Variants in SKA3 observed in about 807,000 individuals in gnomAD.
SKA3 encodes the protein spindle and kinetochore-associated protein 3.
SKA3 carries 39 observed loss-of-function variants against 44.2 expected under a neutral mutation model. The ratio of observed to expected loss-of-function variants is 0.88; its 90% confidence interval spans 0.68 to 1.15. SKA3 has a LOEUF of 1.15. Ranked by LOEUF, SKA3 falls within the 50% of genes most tolerant of loss-of-function variation. The pLI is 0.00. For missense variants in SKA3, 511 were observed against 485.8 expected, an observed-to-expected ratio of 1.05 and a Z score of -0.49; for synonymous variants, 192 against 172.0, an observed-to-expected ratio of 1.12 and a Z score of -0.91.
At chr13:21,169,889 C>T (rs543966077) in intron 3 of SKA3, among the ~76,000 whole-genome samples, 342 of 152,292 alleles carry the variant, frequency 2.2e-3, no homozygotes, top group African/African-American at 8.0e-3. Context: ...CCACCTGCCT[C>T]AGCCTCCCAA....
In SKA3 at chr13:21,168,182, C is replaced by T. The variant is rs200514760; in HGVS notation, c.549G>A (p.Lys183=). The change falls in exon 4 of 9, where the codon AAG becomes AAA. Residue 183 remains lysine (K), a synonymous_variant. Coordinates refer to ENST00000314759, the MANE Select transcript of SKA3 (RefSeq NM_145061.6). ...PNPPQAVNNY[K]EEPVIVTPPT... ...GTGGGGTTACAATTACGGGCTCTTC[C>T]TTATAGTTGTTCACTGCCTGTGGAG... 6.2e-7 allele frequency: 1 copy of T among 1,613,974 alleles called. No individual in the cohort carries two copies. Among genetic ancestry groups the T allele is most frequent in the Non-Finnish European group, 8.5e-7 (1 of 1,179,988 alleles).
intron 6 of SKA3, 37 bp downstream of exon 6, chr13:21,159,863 AGG>A: frequency 8.8e-7 from 1 of 1,140,468 alleles, no homozygotes; most frequent in Non-Finnish European, 1.2e-6. Context: ...TTGAGTCTTT[AGG>A]AGAAAGACTG....
chr13:21,155,615 C>G, intron 8 of SKA3, 78 bp downstream of exon 8: 1 of 780,252 alleles, frequency 1.3e-6, no homozygotes, highest in Non-Finnish European at 2.0e-6. Context: ...CCATGTTGGT[C>G]AGGATGGTCA....
intron 3 of SKA3, among the ~76,000 whole-genome samples, chr13:21,169,026 C>CT (rs1239554956): frequency 1.1e-3 from 165 of 145,706 alleles, no homozygotes; most frequent in South Asian, 3.0e-3. Flanking sequence ...TTTTTTCTTT[C>CT]TTTTTTTTTT....
In SKA3 at chr13:21,155,813, T is replaced by A. The variant is rs550091625; in HGVS notation, c.1120-2A>T. 2.7e-5 allele frequency: 30 copies of A among 1,123,714 alleles called. No homozygotes were observed. The highest frequency in any genetic ancestry group is 4.4e-5 in the Admixed American group (2 of 45,680). 69.6% of individuals were successfully genotyped at this position (1,123,714 alleles called of 1,614,324 possible). On this transcript the variant is annotated splice_acceptor_variant, in intron 7 of 8. Coordinates refer to ENST00000314759, the MANE Select transcript of SKA3 (RefSeq NM_145061.6). LOFTEE classifies it high-confidence loss of function. ...GTTTGAGTTGTATTTTGATAAAAGC[T>A]AAAAAAAAAAAAGGAAATTCCTTTT...
chr13:21,162,967 G>C (rs1011342015), intron 4 of SKA3, among the ~76,000 whole-genome samples: 6 of 152,126 alleles, frequency 3.9e-5, no homozygotes, highest in Non-Finnish European at 8.8e-5. Flanking sequence ...AGAACCACTC[G>C]AACCCAGTTC....
chr13:21,158,120 G>T lies in SKA3; in HGVS notation c.921C>A (p.Ser307=). ...TTGTTTTTGATAATGGGTAATTTGT[G>T]GATACCTATTGAATAAAAATAGACC... is the stretch of plus-strand genomic sequence containing the variant. ...PSTKNSIALV[S]TNYPLSKTNS... is the part of the protein sequence containing the mutation. The change falls in exon 7 of 9, where the codon TCC becomes TCA. Residue 307 remains serine (S), a synonymous_variant. Transcript: ENST00000314759. 1.3e-6 allele frequency: 2 copies of T among 1,570,730 alleles called. No homozygotes were observed. Among genetic ancestry groups the T allele is most frequent in the South Asian group, 1.1e-5 (1 of 90,008 alleles).
At chr13:21,165,588 G>A (rs963213979) in intron 4 of SKA3, among the ~76,000 whole-genome samples, 1 of 152,110 alleles carries the variant, frequency 6.6e-6, no homozygotes, top group Admixed American at 6.5e-5. Context: ...GCCTAGAAGT[G>A]CAACACAGAA....
intron 1 of SKA3, 121 bp downstream of exon 1, chr13:21,176,254 G>T: frequency 1.3e-6 from 1 of 788,694 alleles, no homozygotes; most frequent in Non-Finnish European, 1.9e-6. Flanking sequence ...CCTGCGCCTC[G>T]GTGGCAGCCG....
intron 4 of SKA3, among the ~76,000 whole-genome samples, chr13:21,166,004 T>C (rs765091199): frequency 2.0e-5 from 3 of 152,078 alleles, no homozygotes; most frequent in Non-Finnish European, 4.4e-5. Context: ...TCAGAGCTTT[T>C]TGGAGCTTGT....
intron 7 of SKA3, among the ~76,000 whole-genome samples, chr13:21,157,313 T>C (rs1407960708): frequency 5.9e-5 from 9 of 152,228 alleles, no homozygotes; most frequent in African/African-American, 2.2e-4. Context: ...TGTGTGAACA[T>C]CACAGTACTT....
Position 21,172,472 on chromosome 13 carries a change from T to A in SKA3, c.198A>T (p.Arg66Ser). 1.9e-6 allele frequency: 3 copies of A among 1,589,742 alleles called. No individual in the cohort carries two copies. Among genetic ancestry groups the A allele is most frequent in the South Asian group, 2.3e-5 (2 of 86,548 alleles). Reference sequence around the variant, plus strand: ...AATCAATGCCTTCTTGATTTTCCAATCTTGCTTTATCAAGAAGAATATTAA... The same window carrying A: ...AATCAATGCCTTCTTGATTTTCCAAACTTGCTTTATCAAGAAGAATATTAA... Reference protein sequence around the residue: ...DDVNILLDKARLENQEGIDFI... With the variant: ...DDVNILLDKASLENQEGIDFI... Residue 66 changes from arginine to serine, a missense_variant, in exon 3 of 9, where the codon AGA becomes AGT. By Grantham distance (110) the Arg-to-Ser change is moderately radical. Transcript: ENST00000314759.
intron 8 of SKA3, 94 bp downstream of exon 8, chr13:21,155,599 G>A (rs563084688): frequency 3.0e-6 from 2 of 674,062 alleles, no homozygotes; most frequent in East Asian, 3.9e-5. Flanking sequence ...TAGAGACGAG[G>A]TTTCACCATG....
chr13:21,159,855 G>C, intron 6 of SKA3, 47 bp downstream of exon 6: 1 of 1,173,952 alleles, frequency 8.5e-7, no homozygotes, highest in East Asian at 3.8e-5. Context: ...TAGTGTATTT[G>C]AGTCTTTAGG....
rs760803309 is a variant in SKA3 at position 21,155,752 on chromosome 13, G to A, written c.1179C>T (p.Pro393=). ...GTCCATGTTTAAGGAACCTTTTACT[G>A]GGTGGCACTGCTTTAATTGCTATTG... ...ATPIAIKAVP[P]SKRFLKHGQN... Residue 393 remains proline (P), a synonymous_variant, in exon 8 of 9, where the codon CCC becomes CCT. Transcript: ENST00000314759. 7 of 1,612,284 alleles carry A rather than the reference G, an allele frequency of 4.3e-6. No individual in the cohort carries two copies. The South Asian group carries it at 5.5e-5, about 13-fold the overall frequency.
At chr13:21,173,314 T>C (rs1370185742) in intron 1 of SKA3, among the ~76,000 whole-genome samples, 4 of 152,186 alleles carry the variant, frequency 2.6e-5, no homozygotes, top group African/African-American at 9.7e-5. Context: ...TGGAGTGCAA[T>C]GGTGCGATCT....
At chr13:21,173,319 C>T (rs1460024785) in intron 1 of SKA3, among the ~76,000 whole-genome samples, 3 of 152,114 alleles carry the variant, frequency 2.0e-5, no homozygotes, top group African/African-American at 4.8e-5. Flanking sequence ...TGCAATGGTG[C>T]GATCTTGGCT....
chr13:21,155,904 TG>T, intron 7 of SKA3, 93 bp from the exon 8 acceptor site: 1 of 658,266 alleles, frequency 1.5e-6, no homozygotes, highest in African/African-American at 1.8e-5. Flanking sequence ...ATAAAAGCTA[TG>T]GGGCGGGCAT....
chr13:21,171,385 G>T (rs980108656), intron 3 of SKA3, among the ~76,000 whole-genome samples: 3 of 152,008 alleles, frequency 2.0e-5, no homozygotes, highest in African/African-American at 7.2e-5. Context: ...GACCATTCTG[G>T]GTAACACAGT....
Sources: gnomAD v4.1 joint callset for allele counts (sites outside exome capture counted in the v4.1 genomes callset) on GRCh38, gnomAD v4.1.1 for gene constraint, MANE v1.5 for transcripts, NCBI Gene and HGNC (gene_info 2026-07-23, HGNC 2026-07-21) for gene names.